SLC25A44: variants seen among roughly 807,000 people sequenced by gnomAD.
SLC25A44 encodes the protein solute carrier family 25 member 44.
In SLC25A44, 17 loss-of-function variants were observed where a neutral mutation model predicts 29.9. The ratio of observed to expected loss-of-function variants is 0.57; its 90% CI spans 0.39 to 0.85. The LOEUF (loss-of-function observed/expected upper bound fraction) is 0.85. Ranked by LOEUF, SLC25A44 falls within the 40% of genes least tolerant of loss-of-function variation. SLC25A44 has a pLI of 0.00. For missense variants in SLC25A44, 302 were observed against 398.4 expected (o/e 0.76, Z 2.06); for synonymous variants, 140 against 151.8 (o/e 0.92, Z 0.57).
At chr1:156,208,870 C>G (rs187964099) in intron 3 of SLC25A44, among the ~76,000 whole-genome samples, 285 of 152,274 alleles carry the variant, frequency 1.9e-3, no homozygotes, top group Non-Finnish European at 3.3e-3. Context: ...TACACAGCAC[C>G]TAGACCAGGG....
rs746439020 is a variant in SLC25A44, at chr1:156,199,941, C to T, written c.94C>T (p.Arg32Cys). 26 of 1,614,130 alleles carry T rather than the reference C, an allele frequency of 1.6e-5. No homozygotes were observed. The highest frequency in any genetic ancestry group is 2.1e-5 in the Non-Finnish European group (25 of 1,179,986). Reference protein sequence around the residue: ...VFGVAMTMMIRVSVYPFTLIR... With the variant: ...VFGVAMTMMICVSVYPFTLIR... ...TGGTGTGGCAATGACAATGATGATCCGTGTCAGTGTCTACCCATTCACCCT... is the reference window on the plus strand; with the variant it reads ...TGGTGTGGCAATGACAATGATGATCTGTGTCAGTGTCTACCCATTCACCCT... Residue 32 changes from arginine (R) to cysteine (C), a missense_variant, in exon 2 of 4, where the codon CGT (arginine) becomes TGT (cysteine). Transcript: ENST00000359511.
In SLC25A44 at chr1:156,200,241, G is replaced by A. The variant is rs1295094826; in HGVS notation, c.394G>A (p.Val132Ile). ...CCAGAGCATCACAGTGCCCATTGAT[G>A]TAGTCTCCCAGCACCTGATGATGCA... Reference protein sequence around the residue: ...VAQSITVPIDVVSQHLMMQRK... With the variant: ...VAQSITVPIDIVSQHLMMQRK... The change falls in exon 2 of 4, where the codon GTA (valine) becomes ATA (isoleucine). Residue 132 changes from valine to isoleucine, a missense_variant. Physicochemically the swap from Val to Ile is conservative, Grantham distance 29. Transcript: ENST00000359511. 2.5e-6 allele frequency: 4 copies of A among 1,614,086 alleles called. No homozygotes were observed. The highest frequency in any genetic ancestry group is 4.5e-5 in the East Asian group (2 of 44,900).
intron 2 of SLC25A44, among the ~76,000 whole-genome samples, chr1:156,203,635 G>C (rs985436436): frequency 6.6e-6 from 1 of 151,558 alleles, no homozygotes; most frequent in African/African-American, 2.4e-5. Context: ...AATGACTAAT[G>C]GAGAAAAATG....
At chr1:156,199,781 A>C (rs1055276726) in intron 1 of SLC25A44, 54 bp from the exon 2 acceptor site, 1 of 1,494,402 alleles carries the variant, frequency 6.7e-7, no homozygotes, top group Non-Finnish European at 9.1e-7. Context: ...AGAAGGGGAA[A>C]GCACAAAGCT....
In SLC25A44 at chr1:156,200,356, T is replaced by A; in HGVS notation, c.509T>A (p.Ile170Asn). The part of the protein sequence containing the change: ...VVAFGQTKDI[I>N]RQILQADGLR... ...GCCTTTGGCCAAACCAAGGACATCA[T>A]CAGGCAGATCCTGCAGGCTGATGGA... The change falls in exon 2 of 4, where the codon ATC (isoleucine) becomes AAC (asparagine). Residue 170 changes from isoleucine (I) to asparagine (N), a missense_variant. By Grantham distance (149) the Ile-to-Asn change is moderately radical (BLOSUM62 -3). Transcript: ENST00000359511. The A allele has an allele frequency of 6.2e-7, 1 of 1,614,120 alleles. No homozygotes were observed. The highest frequency in any genetic ancestry group is 8.5e-7 in the Non-Finnish European group (1 of 1,180,026).
rs564832802 is a variant in SLC25A44, at chr1:156,204,746, C to T, written c.626-3140C>T. Among the ~76,000 whole-genome samples, 8 of 152,154 alleles carry T rather than the reference C, an allele frequency of 5.3e-5. No individual in the cohort carries two copies. The East Asian group carries it at 7.7e-4, about 15-fold the overall frequency. ...CAGGTGATCCACCTGCCTCAGCCTT[C>T]GAAAAGTGTGAGCCACCACGCCTGG... On this transcript the variant is annotated intron_variant, in intron 2 of 3. Coordinates refer to ENST00000359511, the MANE Select transcript of SLC25A44 (RefSeq NM_014655.4).
At chr1:156,205,909 A>G (rs1327996777) in intron 2 of SLC25A44, among the ~76,000 whole-genome samples, 5 of 152,162 alleles carry the variant, frequency 3.3e-5, no homozygotes, top group Non-Finnish European at 7.3e-5. Context: ...ATGAATGAAC[A>G]TGTTGTCTTT....
At chr1:156,202,379 C>T (rs543881051) in intron 2 of SLC25A44, among the ~76,000 whole-genome samples, 50 of 152,170 alleles carry the variant, frequency 3.3e-4, no homozygotes, top group Non-Finnish European at 6.8e-4. Flanking sequence ...GAATAAAATC[C>T]AAACTCTTCA....
chr1:156,205,339 G>A lies in SLC25A44; in HGVS notation c.626-2547G>A, dbSNP rs189288632. Among the ~76,000 whole-genome samples, 182 of 152,266 alleles carry A rather than the reference G, an allele frequency of 1.2e-3. 1 individual carries two copies. The highest frequency in any genetic ancestry group is 4.2e-3 in the African/African-American group (176 of 41,556). On this transcript the variant is annotated intron_variant, in intron 2 of 3. Coordinates refer to ENST00000359511, the MANE Select transcript of SLC25A44 (RefSeq NM_014655.4). ...TTACAGGCGTGAGCCACCACGCCTG[G>A]CCGAGGAAAAAATTCTTAAAAGGTA... is the stretch of plus-strand genomic sequence containing the variant.
intron 1 of SLC25A44, 81 bp from the exon 2 acceptor site, chr1:156,199,754 G>A (rs1656431316): frequency 1.6e-6 from 2 of 1,238,786 alleles, no homozygotes; most frequent in East Asian, 4.6e-5. Flanking sequence ...CTGAGAATGG[G>A]CCTTCAGAGC....
Position 156,208,007 on chromosome 1 carries a change from T to C in SLC25A44, c.747T>C (p.Arg249=), listed in dbSNP as rs893036057. Residue 249 remains arginine (R), a synonymous_variant, in exon 3 of 4, where the codon CGT becomes CGC. Coordinates refer to ENST00000359511, the MANE Select transcript of SLC25A44 (RefSeq NM_014655.4). ...ATCCCATGGATGTCATACGAACCCGTGTGCAGGTAAGACTGACCACTTCCC... is the reference window on the plus strand; with the variant it reads ...ATCCCATGGATGTCATACGAACCCGCGTGCAGGTAAGACTGACCACTTCCC... The part of the protein sequence containing the change: ...LTNPMDVIRT[R]VQVEGKNSII... The C allele has an allele frequency of 2.5e-6, 4 of 1,614,104 alleles. No individual in the cohort carries two copies. In the Admixed American group the frequency reaches 6.7e-5, roughly 27 times the overall value.
chr1:156,210,722 T>G lies in SLC25A44; in HGVS notation c.*291T>G. 1.2e-5 allele frequency: 2 copies of G among 163,126 alleles called. No homozygotes were observed. The highest frequency in any genetic ancestry group is 1.1e-5 in the Non-Finnish European group (1 of 88,374). The allele number at this position is 163,126 out of a possible 1,614,324, so 10.1% of individuals were successfully genotyped here. ...CCACCCCCCACCCTGCCAGCCCTTC[T>G]TCTGGCTTCCCCTTCCATCTGTGTC... On this transcript the variant is annotated 3_prime_UTR_variant, in exon 4 of 4. Transcript: ENST00000359511.
Position 156,207,895 on chromosome 1 carries a change from C to G in SLC25A44, c.635C>G (p.Ser212Cys). Residue 212 changes from serine to cysteine, a missense_variant, in exon 3 of 4, where the codon TCC becomes TGC. Coordinates refer to ENST00000359511, the MANE Select transcript of SLC25A44 (RefSeq NM_014655.4). The stretch of plus-strand genomic sequence containing the variant: ...TTTCCCTGGATTCCAGAGCAGCTCT[C>G]CTACCTGTGTCCTAAGGAGTGCCCT... ...PFYHFYAEQL[S>C]YLCPKECPHI... 6.2e-7 allele frequency: 1 copy of G among 1,614,032 alleles called. No homozygotes were observed. Among genetic ancestry groups the G allele is most frequent in the African/African-American group, 1.3e-5 (1 of 75,028 alleles).
At chr1:156,206,593 C>T (rs954941273) in intron 2 of SLC25A44, among the ~76,000 whole-genome samples, 1 of 151,914 alleles carries the variant, frequency 6.6e-6, no homozygotes, top group African/African-American at 2.4e-5. Flanking sequence ...AGTGCAGTGG[C>T]GTGATCATGG....
chr1:156,195,511 T>A (rs1292957515), intron 1 of SLC25A44, among the ~76,000 whole-genome samples: 1 of 151,878 alleles, frequency 6.6e-6, no homozygotes, highest in Non-Finnish European at 1.5e-5. Context: ...AATAACAGAG[T>A]CCAAATTTCC....
intron 3 of SLC25A44, 148 bp downstream of exon 3, chr1:156,208,161 C>G (rs1268446717): frequency 1.4e-6 from 1 of 693,852 alleles, no homozygotes; most frequent in East Asian, 2.7e-5. Context: ...CTTCTGTGTG[C>G]TTAGCATCTG....
intron 1 of SLC25A44, among the ~76,000 whole-genome samples, chr1:156,195,802 C>T (rs1053040244): frequency 6.6e-6 from 1 of 152,190 alleles, no homozygotes; most frequent in Admixed American, 6.5e-5. Flanking sequence ...TACCTTCTCT[C>T]GAGCCAGAAT....
At chr1:156,196,391 G>A (rs1257456806) in intron 1 of SLC25A44, 2 of 152,190 alleles carry the variant, frequency 1.3e-5, no homozygotes, top group Non-Finnish European at 2.9e-5. Flanking sequence ...GGGGTTACCT[G>A]CCTCGGAAAG....
intron 2 of SLC25A44, among the ~76,000 whole-genome samples, chr1:156,201,642 CTTT>C (rs761701271): frequency 1.7e-4 from 26 of 151,792 alleles, no homozygotes; most frequent in Non-Finnish European, 3.1e-4. Context: ...TCCTCTTCTT[CTTT>C]TGTTTCTTCT....
Sources: gnomAD v4.1 joint callset for allele counts (sites outside exome capture counted in the v4.1 genomes callset) on GRCh38, gnomAD v4.1.1 for gene constraint, MANE v1.5 for transcripts, NCBI Gene and HGNC (gene_info 2026-07-23, HGNC 2026-07-21) for gene names.